The following LRP5 variants were observed in gnomAD, a reference collection of about 807,000 sequenced individuals.
The protein encoded by LRP5 is LDL receptor related protein 5.
In LRP5, 62 loss-of-function variants were observed where a neutral mutation model predicts 154.1. The observed-to-expected ratio is 0.40, with a 90% CI of 0.33 to 0.50. LRP5 has a LOEUF of 0.50. LRP5 is among the 20% of genes least tolerant of loss of function. The pLI, the probability that LRP5 is intolerant of heterozygous loss-of-function variation, is 0.55. For synonymous variants in LRP5, 966 were observed against 1,011.5 expected, an observed-to-expected ratio of 0.96 and a Z score of 0.85; for missense variants, 1,915 against 2,336.7, an observed-to-expected ratio of 0.82 and a Z score of 3.72.
intron 1 of LRP5, among the ~76,000 whole-genome samples, chr11:68,326,552 C>T (rs1037534744): frequency 3.3e-5 from 5 of 152,232 alleles, no homozygotes; most frequent in African/African-American, 7.2e-5. Flanking sequence ...CCCGCTCTGA[C>T]GACCAGGCCC....
chr11:68,326,076 C>A (rs78011117), intron 1 of LRP5, among the ~76,000 whole-genome samples: 3,277 of 152,344 alleles, frequency 0.022, 113 homozygotes, highest in African/African-American at 0.075. Context: ...AACGTGGAGC[C>A]TATTCAGTCG....
rs114133721 is a variant in LRP5, at chr11:68,415,191, G to A, written c.2828-1137G>A. ...GGTTCTGCTAGAGAGCTGGTTCTTC[G>A]GATCCTGGTACCAGTGCACTGAGAG... On this transcript the variant is annotated intron_variant, in intron 12 of 22. Transcript: ENST00000294304. Among the ~76,000 whole-genome samples, 1,208 of 152,262 alleles carry A rather than the reference G, an allele frequency of 7.9e-3. 14 individuals carry two copies. Among genetic ancestry groups the A allele is most frequent in the African/African-American group, 0.027 (1,141 of 41,540 alleles).
intron 10 of LRP5, among the ~76,000 whole-genome samples, chr11:68,410,418 C>A (rs2098658808): frequency 6.6e-6 from 1 of 152,184 alleles, no homozygotes; most frequent in Non-Finnish European, 1.5e-5. Flanking sequence ...GGGTGGGTAT[C>A]TGTGTCGATT....
At chr11:68,364,845 A>G (rs149538303) in intron 4 of LRP5, among the ~76,000 whole-genome samples, 4 of 152,156 alleles carry the variant, frequency 2.6e-5, no homozygotes, top group African/African-American at 9.6e-5. Flanking sequence ...ACCCATCTAC[A>G]CTTGGGGCAG....
chr11:68,409,283 A>G (rs2098658031), intron 9 of LRP5, among the ~76,000 whole-genome samples: 1 of 142,630 alleles, frequency 7.0e-6, no homozygotes, highest in East Asian at 2.0e-4. Context: ...ATATATATTT[A>G]TAAATAATAT....
chr11:68,347,882 G>T lies in LRP5; in HGVS notation c.127G>T (p.Val43Leu). The T allele has an allele frequency of 6.2e-7, 1 of 1,613,598 alleles. No individual in the cohort carries two copies. Among genetic ancestry groups the T allele is most frequent in the Non-Finnish European group, 8.5e-7 (1 of 1,180,034 alleles). ...CCTGCTATTTGCCAACCGCCGGGAC[G>T]TACGGCTGGTGGACGCCGGCGGAGT... Reference protein sequence around the residue: ...PLLLFANRRDVRLVDAGGVKL... With the variant: ...PLLLFANRRDLRLVDAGGVKL... Residue 43 changes from valine (V) to leucine (L), a missense_variant, in exon 2 of 23, where the codon GTA becomes TTA. This residue lies in a region of LRP5 where 773 missense variants were observed against 1,100.9 expected (regional missense o/e 0.70). Transcript: ENST00000294304.
At chr11:68,385,621 C>G (rs529888110) in intron 5 of LRP5, among the ~76,000 whole-genome samples, 2 of 152,056 alleles carry the variant, frequency 1.3e-5, no homozygotes, top group Non-Finnish European at 2.9e-5. Flanking sequence ...TCGTGAAACT[C>G]TGTGTTAGCT....
Position 68,353,742 on chromosome 11 carries a change from C to G in LRP5, c.489-3908C>G, listed in dbSNP as rs2098620696. ...GGTCCTTCCTCAGAGGAGGGGGTTC[C>G]TGCCCCGGCCATCATCAGGAAGGGG... On this transcript the variant is annotated intron_variant, in intron 2 of 22. Coordinates refer to ENST00000294304, the MANE Select transcript of LRP5 (RefSeq NM_002335.4). This position sits in a 1 kb window ranked among gnomAD's most constrained non-coding sequence, Gnocchi z 4.5. Among the ~76,000 whole-genome samples, 1 of 152,210 alleles carries G rather than the reference C, an allele frequency of 6.6e-6. No homozygotes were observed. Among genetic ancestry groups the G allele is most frequent in the South Asian group, 2.1e-4 (1 of 4,832 alleles).
intron 9 of LRP5, among the ~76,000 whole-genome samples, chr11:68,409,171 ATATT>A (rs1247115015): frequency 7.3e-6 from 1 of 137,388 alleles, no homozygotes; most frequent in African/African-American, 2.7e-5. Flanking sequence ...ATAAAAATAT[ATATT>A]TATAAATAAA....
At chr11:68,324,729 TGG>T (rs2098598663) in intron 1 of LRP5, among the ~76,000 whole-genome samples, 3 of 152,218 alleles carry the variant, frequency 2.0e-5, no homozygotes, top group African/African-American at 7.2e-5. Context: ...CAGAGGCTGG[TGG>T]GATTCCGCCT....
chr11:68,319,562 C>T (rs530364396), intron 1 of LRP5, among the ~76,000 whole-genome samples: 1 of 152,028 alleles, frequency 6.6e-6, no homozygotes, highest in Non-Finnish European at 1.5e-5. Flanking sequence ...CACTATTGCC[C>T]AGCTCCTGGC....
Position 68,447,785 on chromosome 11 carries a change from G to A in LRP5, c.4587-1024G>A, listed in dbSNP as rs1051338947. ...ATTGCAGGCCCCTCTGTGACAGGAC[G>A]GGGGCTCCTAAACACACCACAGTTC... On this transcript the variant is annotated intron_variant, in intron 22 of 22. Coordinates refer to ENST00000294304, the MANE Select transcript of LRP5 (RefSeq NM_002335.4). The surrounding 1 kb of genome is among the most constrained non-coding windows in gnomAD (Gnocchi z 4.3). Among the ~76,000 whole-genome samples, 1 of 152,206 alleles carries A rather than the reference G, an allele frequency of 6.6e-6. No individual in the cohort carries two copies. The highest frequency in any genetic ancestry group is 1.9e-4 in the East Asian group (1 of 5,170).
intron 2 of LRP5, among the ~76,000 whole-genome samples, chr11:68,356,655 G>A (rs1049567062): frequency 3.3e-5 from 5 of 152,134 alleles, no homozygotes; most frequent in African/African-American, 7.2e-5. Context: ...ACGAGGGTTC[G>A]CCCTTGATTT....
intron 5 of LRP5, among the ~76,000 whole-genome samples, chr11:68,376,171 C>CTTTT (rs60401481): frequency 2.8e-4 from 26 of 92,818 alleles, no homozygotes; most frequent in Non-Finnish European, 4.1e-4. Flanking sequence ...GGCCCTGCTT[C>CTTTT]TTTTTTTTTT....
chr11:68,326,683 G>A (rs1329908356), intron 1 of LRP5, among the ~76,000 whole-genome samples: 1 of 152,360 alleles, frequency 6.6e-6, no homozygotes, highest in Non-Finnish European at 1.5e-5. Context: ...GCTCCCCATC[G>A]CCTCTGGGAT....
intron 3 of LRP5, among the ~76,000 whole-genome samples, chr11:68,361,990 A>C (rs1371953119): frequency 6.6e-6 from 1 of 152,236 alleles, no homozygotes; most frequent in African/African-American, 2.4e-5. Context: ...CCGTAGCAGC[A>C]CTGTGCACAA....
chr11:68,441,368 G>C (rs1033259014), intron 21 of LRP5, among the ~76,000 whole-genome samples: 3 of 152,222 alleles, frequency 2.0e-5, no homozygotes, highest in Non-Finnish European at 2.9e-5. Context: ...GTGAGCCACC[G>C]TGCCTGGCCT....
rs186535471 is a variant in LRP5 at position 68,426,088 on chromosome 11, G to A, written c.3538G>A (p.Val1180Met). The change falls in exon 16 of 23, where the codon GTG (valine) becomes ATG (methionine). Residue 1180 changes from valine to methionine, a missense_variant. Val to Met is a conservative substitution (Grantham distance 21). Coordinates refer to ENST00000294304, the MANE Select transcript of LRP5 (RefSeq NM_002335.4). Reference sequence around the variant, plus strand: ...CCGCCAGCAGCAGATGATCGAGCGTGTGGAGAAGACCACCGGGGACAAGCG... The same window carrying A: ...CCGCCAGCAGCAGATGATCGAGCGTATGGAGAAGACCACCGGGGACAAGCG... ...IDRQQQMIERVEKTTGDKRTR... is the reference protein window; with the variant it reads ...IDRQQQMIERMEKTTGDKRTR... 6.2e-7 allele frequency: 1 copy of A among 1,613,666 alleles called. No homozygotes were observed. The highest frequency in any genetic ancestry group is 2.2e-5 in the East Asian group (1 of 44,890).
At chr11:68,359,096 C>T (rs1263951457) in intron 3 of LRP5, among the ~76,000 whole-genome samples, 1 of 152,232 alleles carries the variant, frequency 6.6e-6, no homozygotes, top group African/African-American at 2.4e-5. Flanking sequence ...AAACAGCCCA[C>T]AACTTAACAG....
Sources: gnomAD v4.1 joint callset for allele counts (sites outside exome capture counted in the v4.1 genomes callset) on GRCh38, gnomAD v4.1.1 for gene constraint, gnomAD v4.1.1 regional missense constraint, Gnocchi (gnomAD v3.1) non-coding constraint, MANE v1.5 for transcripts, NCBI Gene and HGNC (gene_info 2026-07-23, HGNC 2026-07-21) for gene names.